Variants in CDC42BPA observed in about 807,000 individuals in gnomAD.
CDC42BPA encodes the protein CDC42 binding protein kinase alpha.
CDC42BPA carries 80 observed loss-of-function variants against 223.5 expected under a neutral mutation model. That is an observed-to-expected ratio of 0.36 (90% CI 0.30 to 0.43). CDC42BPA has a LOEUF of 0.43. Ranked by LOEUF, CDC42BPA falls within the 20% of genes least tolerant of loss-of-function variation. The probability of loss-of-function intolerance (pLI) is 1.00; values close to 1 mark genes in which losing one functional copy is unlikely to be tolerated. For synonymous variants in CDC42BPA, 694 were observed against 718.6 expected (o/e 0.97, Z 0.55); for missense variants, 1,743 against 2,099.9 (o/e 0.83, Z 3.32).
intron 2 of CDC42BPA, among the ~76,000 whole-genome samples, chr1:227,218,203 A>T (rs1009513999): frequency 1.3e-5 from 2 of 152,072 alleles, no homozygotes; most frequent in Admixed American, 6.5e-5. Flanking sequence ...TATTATGACA[A>T]AAGAGATACA....
intron 12 of CDC42BPA, among the ~76,000 whole-genome samples, chr1:227,114,904 TAACTTA>T (rs142952280): frequency 6.9e-6 from 1 of 144,138 alleles, no homozygotes; most frequent in African/African-American, 2.7e-5. Flanking sequence ...TTAGGATATT[TAACTTA>T]AACTTAAACT....
At chr1:227,059,319 G>A in intron 21 of CDC42BPA, 2 of 1,447,572 alleles carry the variant, frequency 1.4e-6, no homozygotes, top group Non-Finnish European at 1.9e-6. Flanking sequence ...GCAAAAGGAT[G>A]AGAGAGGGGT....
intron 5 of CDC42BPA, among the ~76,000 whole-genome samples, chr1:227,169,756 C>A (rs1665760998): frequency 6.6e-6 from 1 of 152,182 alleles, no homozygotes; most frequent in Admixed American, 6.5e-5. Context: ...TATTCCCAAT[C>A]AGGTTCTCCC....
At chr1:227,089,454 A>C (rs573502464) in intron 16 of CDC42BPA, among the ~76,000 whole-genome samples, 2 of 152,196 alleles carry the variant, frequency 1.3e-5, no homozygotes, top group Non-Finnish European at 2.9e-5. Context: ...AAGTTTGAGA[A>C]ACAGAGCAGA....
rs773257694 is a variant in CDC42BPA at position 227,268,654 on chromosome 1, A to ATATATATATACATATATATATG, written c.179-14500_179-14499insCATATATATATGTATATATATA. The stretch of plus-strand genomic sequence containing the variant: ...ATGTGTATATATATAGTGTGTGTGT[A>ATATATATATACATATATATATG]TATATATATATACATATATATATAT... On this transcript the variant is annotated intron_variant, in intron 1 of 36. Coordinates refer to ENST00000366766, the MANE Select transcript of CDC42BPA (RefSeq NM_001394014.1). Among the ~76,000 whole-genome samples the ATATATATATACATATATATATG allele has an allele frequency of 1.3e-4, 19 of 143,098 alleles. 1 individual carries two copies. Among genetic ancestry groups the ATATATATATACATATATATATG allele is most frequent in the African/African-American group, 5.1e-4 (19 of 37,542 alleles). 93.9% of individuals were successfully genotyped at this position (143,098 alleles called of 152,430 possible).
intron 14 of CDC42BPA, among the ~76,000 whole-genome samples, chr1:227,107,550 T>TA (rs1198092817): frequency 6.6e-6 from 1 of 152,040 alleles, no homozygotes; most frequent in East Asian, 1.9e-4. Context: ...GCCCCCAGAG[T>TA]AGCTGGGACG....
chr1:227,286,291 A>T (rs550484767), intron 1 of CDC42BPA, among the ~76,000 whole-genome samples: 1 of 152,250 alleles, frequency 6.6e-6, no homozygotes, highest in East Asian at 1.9e-4. Context: ...TCATTCTCGA[A>T]TGCTTTGGTG....
At chr1:227,264,869 C>G in intron 1 of CDC42BPA, 3 of 1,530,858 alleles carry the variant, frequency 2.0e-6, no homozygotes, top group South Asian at 1.1e-5. Context: ...TGGAACTGGA[C>G]CTGAAGAATT....
In CDC42BPA at chr1:227,315,179, A is replaced by G. The variant is rs899137812; in HGVS notation, c.178+1826T>C. On this transcript the variant is annotated intron_variant, in intron 1 of 36. Coordinates refer to ENST00000366766, the MANE Select transcript of CDC42BPA (RefSeq NM_001394014.1). ...TTTTACTCTTTATCCAGACTTCCAT[A>G]CTAATAAAAATAATACTCAGCCAAA... is the stretch of plus-strand genomic sequence containing the variant. Among the ~76,000 whole-genome samples the G allele has an allele frequency of 5.3e-5, 8 of 152,124 alleles. No individual in the cohort carries two copies. The South Asian group carries it at 6.2e-4, about 12-fold the overall frequency.
intron 21 of CDC42BPA, among the ~76,000 whole-genome samples, chr1:227,064,482 G>C (rs1031725303): frequency 3.9e-5 from 6 of 152,298 alleles, no homozygotes; most frequent in East Asian, 3.9e-4. Flanking sequence ...GTTGCTACAA[G>C]CTTGGTGTGA....
In CDC42BPA at chr1:226,994,896, G is replaced by A. The variant is rs1368185442; in HGVS notation, c.5060C>T (p.Pro1687Leu). ...YSAKRQPMPS[P>L]SEGSLSSGGM... ...TCCAGAGGACAAAGAGCCCTCTGAC[G>A]GGGAGGGCATGGGCTGCCGCTTGGC... Residue 1687 changes from proline to leucine, a missense_variant, in exon 36 of 37, where the codon CCG becomes CTG. Physicochemically the swap from Pro to Leu is moderately conservative, Grantham distance 98 (BLOSUM62 -3). This residue lies in a region of CDC42BPA where 200 missense variants were observed against 192.8 expected (regional missense o/e 1.04). Coordinates refer to ENST00000366766, the MANE Select transcript of CDC42BPA (RefSeq NM_001394014.1). This position sits in a 1 kb window ranked among gnomAD's most constrained non-coding sequence, Gnocchi z 4.0. The A allele has an allele frequency of 2.5e-6, 4 of 1,613,158 alleles. No homozygotes were observed. The highest frequency in any genetic ancestry group is 2.2e-5 in the East Asian group (1 of 44,876).
At chr1:227,011,060 C>A (rs1460196453) in intron 34 of CDC42BPA, 1 of 1,326,518 alleles carries the variant, frequency 7.5e-7, no homozygotes, top group Admixed American at 2.2e-5. Context: ...TAAGGGAAAC[C>A]TGGCTATCAA....
At chr1:227,187,940 G>C (rs1454960631) in intron 5 of CDC42BPA, among the ~76,000 whole-genome samples, 1 of 151,632 alleles carries the variant, frequency 6.6e-6, no homozygotes, top group East Asian at 1.9e-4. Flanking sequence ...AAGTGAAAGA[G>C]AAATACATTC....
chr1:227,253,269 C>T (rs12141148), intron 2 of CDC42BPA, among the ~76,000 whole-genome samples: 4 of 80,114 alleles, frequency 5.0e-5, no homozygotes, highest in Admixed American at 1.4e-4. Context: ...CGAGAGAGAG[C>T]GCGCGCGCGT....
At chr1:227,200,847 T>C (rs534521651) in intron 3 of CDC42BPA, among the ~76,000 whole-genome samples, 2 of 152,294 alleles carry the variant, frequency 1.3e-5, no homozygotes, top group Admixed American at 6.5e-5. Context: ...CATCCTCAAC[T>C]ATATGTGACA....
At chr1:227,001,467 A>G (rs1156348528) in intron 35 of CDC42BPA, among the ~76,000 whole-genome samples, 2 of 152,232 alleles carry the variant, frequency 1.3e-5, no homozygotes, top group African/African-American at 4.8e-5. Context: ...GCCTCACTTC[A>G]GCACTTCTAA....
At position 227,042,297 on chromosome 1, in the gene CDC42BPA, G is replaced by GAGATATATATATATATATATAT. The variant is rs922408596; in HGVS notation, c.3094-2062_3094-2061insATATATATATATATATATATCT. Among the ~76,000 whole-genome samples, 233 of 147,692 alleles carry GAGATATATATATATATATATAT rather than the reference G, an allele frequency of 1.6e-3. 1 individual carries two copies. The highest frequency in any genetic ancestry group is 7.0e-3 in the Middle Eastern group (2 of 286). On this transcript the variant is annotated intron_variant, in intron 23 of 36. Transcript: ENST00000366766. Reference sequence around the variant, plus strand: ...TCCCGAATTGCACATATACATATATGATATATATATATATATATCATACAC... The same window carrying GAGATATATATATATATATATAT: ...TCCCGAATTGCACATATACATATATGAGATATATATATATATATATATATATATATATATATATATCATACAC...
At chr1:227,166,132 A>T (rs1664994212) in intron 5 of CDC42BPA, among the ~76,000 whole-genome samples, 1 of 152,206 alleles carries the variant, frequency 6.6e-6, no homozygotes, top group African/African-American at 2.4e-5. Flanking sequence ...CAATGAGTAC[A>T]ATTATACATT....
intron 35 of CDC42BPA, among the ~76,000 whole-genome samples, chr1:226,995,918 C>T (rs1036547595): frequency 6.6e-6 from 1 of 152,128 alleles, no homozygotes; most frequent in African/African-American, 2.4e-5. Context: ...CAACTTTTTG[C>T]GGGTTTAACA....
Sources: allele counts gnomAD v4.1 joint callset (sites outside exome capture counted in the v4.1 genomes callset), GRCh38; gene constraint gnomAD v4.1.1; regional missense constraint gnomAD v4.1.1; non-coding constraint Gnocchi (gnomAD v3.1); transcripts MANE v1.5; gene names NCBI Gene and HGNC (gene_info 2026-07-23, HGNC 2026-07-21).